Variants in SYNM observed in about 807,000 individuals in gnomAD.
The protein encoded by SYNM is synemin.
SYNM carries 95 observed loss-of-function variants against 104.0 expected under a neutral mutation model. The observed-to-expected ratio is 0.91, with a 90% CI of 0.77 to 1.08. The LOEUF (loss-of-function observed/expected upper bound fraction) is 1.08, where lower values mean the gene tolerates loss of function less well. SYNM is among the 50% of genes least tolerant of loss of function. SYNM has a pLI of 0.00. For synonymous variants in SYNM, 918 were observed against 869.0 expected (o/e 1.06, Z -0.99); for missense variants, 2,150 against 2,052.2 (o/e 1.05, Z -0.92).
intron 1 of SYNM, among the ~76,000 whole-genome samples, chr15:99,113,383 C>G (rs1399572470): frequency 8.5e-5 from 13 of 152,142 alleles, no homozygotes; most frequent in Admixed American, 7.9e-4. Context: ...TCAAAATGTT[C>G]CACATGCAAT....
Position 99,131,860 on chromosome 15 carries a change from C to A in SYNM, c.3500C>A (p.Ala1167Asp). ...AGTCAGGCAGCGAGCCCGACCGGAG[C>A]CAGCCGGTCTGTGAGGCATGTCACG... ...DLSQAASPTG[A>D]SRSVRHVTLG... Residue 1167 changes from alanine to aspartate, a missense_variant, in exon 4 of 4, where the codon GCC (alanine) becomes GAC (aspartate). Physicochemically the swap from Ala to Asp is moderately radical, Grantham distance 126 (BLOSUM62 -2). Coordinates refer to ENST00000336292, the MANE Select transcript of SYNM (RefSeq NM_145728.3). The surrounding 1 kb of genome is among the most constrained non-coding windows in gnomAD (Gnocchi z 4.3). 6.2e-7 allele frequency: 1 copy of A among 1,613,924 alleles called. No individual in the cohort carries two copies.
intron 1 of SYNM, among the ~76,000 whole-genome samples, chr15:99,111,684 A>T (rs2151799784): frequency 6.6e-6 from 1 of 152,368 alleles, no homozygotes; most frequent in Admixed American, 6.5e-5. Flanking sequence ...AACAGCCATC[A>T]TTGGCATAGA....
chr15:99,139,357 T>G (rs1282226414), downstream of SYNM: 2 of 1,613,680 alleles, frequency 1.2e-6, no homozygotes, highest in African/African-American at 2.7e-5. Flanking sequence ...GCCAGAGTCC[T>G]TTTGTCCTGC....
At chr15:99,111,267 T>C (rs1448403090) in intron 1 of SYNM, among the ~76,000 whole-genome samples, 1 of 152,232 alleles carries the variant, frequency 6.6e-6, no homozygotes, top group South Asian at 2.1e-4. Flanking sequence ...TTTGAACTTC[T>C]TTGTAAGGAA....
chr15:99,105,682 C>T lies in SYNM; in HGVS notation c.483C>T (p.Ser161=), dbSNP rs782758279. ...GGGAGCTGCGCGCGCGCGCCGCCAG[C>T]CTTACCATGCATTTCCGCGCCCGCG... The part of the protein sequence containing the change: ...DVRELRARAA[S]LTMHFRARAT... The change falls in exon 1 of 4, where the codon AGC becomes AGT. Residue 161 remains serine (S), a synonymous_variant. Transcript: ENST00000336292. 303 of 1,474,122 alleles carry T rather than the reference C, an allele frequency of 2.1e-4. No homozygotes were observed. Among genetic ancestry groups the T allele is most frequent in the Middle Eastern group, 1.7e-3 (7 of 4,198 alleles). The allele number at this position is 1,474,122 out of a possible 1,614,324, so 91.3% of individuals were successfully genotyped here.
rs2067522938 is a variant in SYNM, at chr15:99,132,615, A to G, written c.4255A>G (p.Ile1419Val). The change falls in exon 4 of 4, where the codon ATC becomes GTC. Residue 1419 changes from isoleucine to valine, a missense_variant. By Grantham distance (29) the Ile-to-Val change is conservative (BLOSUM62 3). Transcript: ENST00000336292. ...AACGGAAACCTCTGAACACATTGCC[A>G]TCCGTGGACCCGTGTCCAGAACATT... is the stretch of plus-strand genomic sequence containing the variant. Reference protein sequence around the residue: ...TETETSEHIAIRGPVSRTFVL... With the variant: ...TETETSEHIAVRGPVSRTFVL... 2.5e-6 allele frequency: 4 copies of G among 1,613,928 alleles called. No homozygotes were observed. The highest frequency in any genetic ancestry group is 1.7e-5 in the Admixed American group (1 of 60,006).
intron 2 of SYNM, among the ~76,000 whole-genome samples, chr15:99,117,017 T>C (rs1411153267): frequency 7.0e-6 from 1 of 143,872 alleles, no homozygotes; most frequent in Non-Finnish European, 1.5e-5. Context: ...TGTGGACTCA[T>C]AGAGTGAGAA....
rs374063463 is a variant in SYNM, at chr15:99,132,440, G to A, written c.4080G>A (p.Ser1360=). The change falls in exon 4 of 4, where the codon TCG becomes TCA. Residue 1360 remains serine, a synonymous_variant. Coordinates refer to ENST00000336292, the MANE Select transcript of SYNM (RefSeq NM_145728.3). ...ACCAGGCCACTCACAGTCATACCTC[G>A]GGTAGACAAACCGTTATGACTGAAA... The part of the protein sequence containing the change: ...DVHQATHSHT[S]GRQTVMTEKS... The A allele has an allele frequency of 8.9e-5, 144 of 1,613,960 alleles. 1 individual carries two copies. Among genetic ancestry groups the A allele is most frequent in the African/African-American group, 8.0e-5 (6 of 75,030 alleles).
chr15:99,107,180 C>T (rs374679978), intron 1 of SYNM, among the ~76,000 whole-genome samples: 20 of 152,138 alleles, frequency 1.3e-4, no homozygotes, highest in African/African-American at 3.6e-4. Flanking sequence ...GTTTGGCTTC[C>T]GCCTCATAAC....
In SYNM at chr15:99,133,259, C is replaced by A; in HGVS notation, c.*201C>A. 8.9e-7 allele frequency: 1 copy of A among 1,120,958 alleles called. No individual in the cohort carries two copies. The highest frequency in any genetic ancestry group is 1.2e-6 in the Non-Finnish European group (1 of 829,526). 69.4% of individuals were successfully genotyped at this position (1,120,958 alleles called of 1,614,324 possible). On this transcript the variant is annotated 3_prime_UTR_variant, in exon 4 of 4. Coordinates refer to ENST00000336292, the MANE Select transcript of SYNM (RefSeq NM_145728.3). ...TTAATTCATGCCTTAAAAGGCACTG[C>A]AATTTTATTTTTGAGTTGGGACTTT...
chr15:99,121,944 G>C (rs1332656916), intron 2 of SYNM, among the ~76,000 whole-genome samples: 1 of 152,174 alleles, frequency 6.6e-6, no homozygotes, highest in Non-Finnish European at 1.5e-5. Flanking sequence ...TCTATGTTTT[G>C]GGGATGAAAG....
In SYNM at chr15:99,131,367, G is replaced by A. The variant is rs782734630; in HGVS notation, c.3007G>A (p.Val1003Ile). Residue 1003 changes from valine (V) to isoleucine (I), a missense_variant, in exon 4 of 4, where the codon GTC (valine) becomes ATC (isoleucine). Coordinates refer to ENST00000336292, the MANE Select transcript of SYNM (RefSeq NM_145728.3). The surrounding 1 kb of genome is among the most constrained non-coding windows in gnomAD (Gnocchi z 4.3). ...CAGTTCCGTGACCCTGGTTGCTGAA[G>A]TCAACGTCTCACAAACTGTGGATGC... ...GGSSVTLVAE[V>I]NVSQTVDADR... 13 of 1,613,242 alleles carry A rather than the reference G, an allele frequency of 8.1e-6. No homozygotes were observed. The highest frequency in any genetic ancestry group is 1.3e-5 in the African/African-American group (1 of 74,918).
At chr15:99,140,003 G>A (rs2068044073), downstream of SYNM, 1 of 230,508 alleles carries the variant, frequency 4.3e-6, no homozygotes, top group Admixed American at 4.9e-5. Context: ...TGCCCAAAAT[G>A]GCCAAAATAA....
downstream of SYNM, chr15:99,140,185 C>T (rs1268770085): frequency 6.3e-6 from 1 of 157,844 alleles, no homozygotes; most frequent in African/African-American, 2.4e-5. Context: ...ACAGAAATGG[C>T]CTTGCGGGAT....
intron 2 of SYNM, among the ~76,000 whole-genome samples, chr15:99,124,753 C>T (rs782004380): frequency 1.2e-4 from 18 of 152,264 alleles, no homozygotes; most frequent in East Asian, 7.7e-4. Context: ...TTGACCAAGA[C>T]GCTGTCTCTG....
chr15:99,112,547 G>A (rs781996983), intron 1 of SYNM, among the ~76,000 whole-genome samples: 1 of 152,094 alleles, frequency 6.6e-6, no homozygotes, highest in Non-Finnish European at 1.5e-5. Flanking sequence ...CTTGTATGTG[G>A]TGGGCACTGG....
At chr15:99,106,773 C>A (rs189235193) in intron 1 of SYNM, among the ~76,000 whole-genome samples, 1 of 152,282 alleles carries the variant, frequency 6.6e-6, no homozygotes, top group African/African-American at 2.4e-5. Context: ...TAAACTATGC[C>A]CAGTCCAGCC....
rs782548434 is a variant in SYNM, at chr15:99,105,951, TGGAGG to T, written c.753_757del (p.Glu252ArgfsTer21). The T allele has an allele frequency of 3.3e-6, 5 of 1,520,860 alleles. No individual in the cohort carries two copies. In the South Asian group the frequency reaches 6.1e-5, roughly 19 times the overall value. The allele number at this position is 1,520,860 out of a possible 1,614,324, so 94.2% of individuals were successfully genotyped here. A position where few individuals can be genotyped will look rare whatever the true frequency, so the allele number is the denominator to read the frequency against. The stretch of plus-strand genomic sequence containing the variant: ...GGGTTGGAGCAGCTGCGCGCGCGGC[TGGAGG>T]ACGCGCTGCTGCGGATGCGCGAGGA... On this transcript the variant is annotated frameshift_variant, in exon 1 of 4. Transcript: ENST00000336292. LOFTEE classifies it high-confidence loss of function.
rs782643183 is a variant in SYNM, at chr15:99,113,583, C to G, written c.811-8C>G. ...TCTCTGATATAAAAGTCTGTCTATT[C>G]TCTTTAGAGAGTGATTGACTGCCTG... On this transcript the variant is annotated splice_region_variant and splice_polypyrimidine_tract_variant and intron_variant, in intron 1 of 3. Coordinates refer to ENST00000336292, the MANE Select transcript of SYNM (RefSeq NM_145728.3). The G allele has an allele frequency of 6.2e-7, 1 of 1,612,848 alleles. No individual in the cohort carries two copies. Among genetic ancestry groups the G allele is most frequent in the East Asian group, 2.2e-5 (1 of 44,888 alleles).
Sources: gnomAD v4.1 joint callset for allele counts (sites outside exome capture counted in the v4.1 genomes callset) on GRCh38, gnomAD v4.1.1 for gene constraint, Gnocchi (gnomAD v3.1) non-coding constraint, MANE v1.5 for transcripts, NCBI Gene and HGNC (gene_info 2026-07-23, HGNC 2026-07-21) for gene names.